The following CDC27 variants were observed in gnomAD, a reference collection of about 807,000 sequenced individuals.
The protein encoded by CDC27 is cell division cycle protein 27 homolog.
In CDC27, 27 loss-of-function variants were observed where a neutral mutation model predicts 109.7. The ratio of observed to expected loss-of-function variants is 0.25; its 90% CI spans 0.18 to 0.34. CDC27 has a LOEUF of 0.34. Among genes scored for constraint, CDC27 ranks in the 10% least tolerant of loss-of-function variants. The probability of loss-of-function intolerance (pLI) is 1.00; values close to 1 mark genes in which losing one functional copy is unlikely to be tolerated. For missense variants in CDC27, 579 were observed against 960.2 expected (o/e 0.60, Z 5.25); for synonymous variants, 266 against 333.9 (o/e 0.80, Z 2.22).
intron 2 of CDC27, among the ~76,000 whole-genome samples, chr17:47,179,656 T>A (rs2064149667): frequency 6.6e-6 from 1 of 152,224 alleles, no homozygotes; most frequent in South Asian, 2.1e-4. Context: ...CAGGATAGTA[T>A]CTGCTCTTAC....
chr17:47,188,658 G>T (rs2064543480), intron 1 of CDC27: 3 of 670,550 alleles, frequency 4.5e-6, no homozygotes, highest in Admixed American at 6.3e-5. Flanking sequence ...TACCAAAATA[G>T]AAATTAGTAT....
chr17:47,181,410 A>T, intron 2 of CDC27, 152 bp downstream of exon 2: 1 of 476,576 alleles, frequency 2.1e-6, no homozygotes. Flanking sequence ...TAAGGGAACT[A>T]CACAGAAAAA....
intron 1 of CDC27, among the ~76,000 whole-genome samples, chr17:47,182,967 G>C (rs1488041259): frequency 1.3e-5 from 2 of 151,900 alleles, no homozygotes; most frequent in East Asian, 3.9e-4. Flanking sequence ...TCAAGGCTAT[G>C]ATCATACCTG....
intron 4 of CDC27, among the ~76,000 whole-genome samples, 175 bp from the exon 5 acceptor site, chr17:47,158,478 C>T (rs896590396): frequency 1.3e-5 from 2 of 152,202 alleles, no homozygotes; most frequent in Non-Finnish European, 2.9e-5. Flanking sequence ...TGAAAGCGCA[C>T]AGAACATGAA....
intron 4 of CDC27, among the ~76,000 whole-genome samples, chr17:47,168,682 T>C (rs1468358703): frequency 1.3e-5 from 2 of 152,122 alleles, no homozygotes; most frequent in Admixed American, 1.3e-4. Flanking sequence ...ATGAATATAT[T>C]GATATTATGT....
chr17:47,183,758 A>G (rs1262394282), intron 1 of CDC27, among the ~76,000 whole-genome samples: 1 of 152,154 alleles, frequency 6.6e-6, no homozygotes, highest in Non-Finnish European at 1.5e-5. Context: ...GCTCATTATT[A>G]TACTCCCAGT....
rs1384946552 is a variant in CDC27 at position 47,122,454 on chromosome 17, T to G, written c.2382A>C (p.Glu794Asp). The G allele has an allele frequency of 1.9e-6, 3 of 1,602,636 alleles. No individual in the cohort carries two copies. The highest frequency in any genetic ancestry group is 2.6e-6 in the Non-Finnish European group (3 of 1,174,128). Residue 794 changes from glutamate to aspartate, a missense_variant, in exon 18 of 19, where the codon GAA (glutamate) becomes GAC (aspartate). Coordinates refer to ENST00000066544, the MANE Select transcript of CDC27 (RefSeq NM_001256.6). The part of the protein sequence containing the change: ...LPDDEEPITQ[E>D]EQIMGTDESQ... Reference sequence around the variant, plus strand: ...ATGTATGATACTTACTGATCTGTTCTTCTTGGGTTATTGGCTCCTCATCAT... The same window carrying G: ...ATGTATGATACTTACTGATCTGTTCGTCTTGGGTTATTGGCTCCTCATCAT...
chr17:47,180,010 T>C (rs1238100403), intron 2 of CDC27, among the ~76,000 whole-genome samples: 3 of 152,064 alleles, frequency 2.0e-5, no homozygotes, highest in Admixed American at 6.6e-5. Context: ...CATCTGTAAC[T>C]CCAGCTCTTT....
chr17:47,121,072 G>C lies in CDC27; in HGVS notation c.2393-55C>G, dbSNP rs879151442. 13 of 1,163,944 alleles carry C rather than the reference G, an allele frequency of 1.1e-5. No homozygotes were observed. The Admixed American group carries it at 1.7e-4, about 15-fold the overall frequency. The allele number at this position is 1,163,944 out of a possible 1,614,324, so 72.1% of individuals were successfully genotyped here. On this transcript the variant is annotated intron_variant, in intron 18 of 18. Transcript: ENST00000066544. ...AGTTTTCTGACAAATATGTCCTGTT[G>C]GTTCATGAAAACAAGTAAGAAAAAT...
At chr17:47,140,763 G>T (rs1162147222) in intron 12 of CDC27, among the ~76,000 whole-genome samples, 2 of 152,186 alleles carry the variant, frequency 1.3e-5, no homozygotes, top group East Asian at 3.8e-4. Context: ...ATCGAAACAT[G>T]GGTTTTGTAG....
intron 18 of CDC27, among the ~76,000 whole-genome samples, chr17:47,121,554 T>G (rs1265127698): frequency 6.6e-6 from 1 of 152,092 alleles, no homozygotes; most frequent in Admixed American, 6.6e-5. Context: ...ATGATTCTCC[T>G]GCCTCAGCCT....
At chr17:47,187,251 T>C (rs989346438) in intron 1 of CDC27, among the ~76,000 whole-genome samples, 1 of 152,222 alleles carries the variant, frequency 6.6e-6, no homozygotes, top group Non-Finnish European at 1.5e-5. Context: ...TGATGGGTAC[T>C]ATCTAGAAAC....
intron 8 of CDC27, among the ~76,000 whole-genome samples, chr17:47,154,088 CAAAAAA>C (rs536543231): frequency 1.4e-5 from 1 of 70,674 alleles, no homozygotes; most frequent in Admixed American, 1.5e-4. Context: ...GACCCTGTCT[CAAAAAA>C]AAAAAAAAAA....
chr17:47,127,692 T>G (rs2062187885), intron 16 of CDC27, among the ~76,000 whole-genome samples: 1 of 151,902 alleles, frequency 6.6e-6, no homozygotes, highest in Non-Finnish European at 1.5e-5. Context: ...TGAGCCACTG[T>G]GCCTGGCCCT....
chr17:47,166,079 C>G (rs1468620556), intron 4 of CDC27, among the ~76,000 whole-genome samples: 1 of 152,082 alleles, frequency 6.6e-6, no homozygotes, highest in Non-Finnish European at 1.5e-5. Context: ...ACTGATACAT[C>G]TGATTTCCTA....
chr17:47,134,475 T>G (rs139794316), intron 14 of CDC27, among the ~76,000 whole-genome samples: 1 of 141,346 alleles, frequency 7.1e-6, no homozygotes, highest in African/African-American at 2.6e-5. Flanking sequence ...TGCCTAATTG[T>G]TTTTTTTTTG....
At chr17:47,150,700 T>C (rs1421232168) in intron 9 of CDC27, among the ~76,000 whole-genome samples, 1 of 152,110 alleles carries the variant, frequency 6.6e-6, no homozygotes, top group Non-Finnish European at 1.5e-5. Flanking sequence ...ATTAAGGAGA[T>C]AAAATGGAAT....
Position 47,158,366 on chromosome 17 carries a change from T to C in CDC27, c.378-63A>G, listed in dbSNP as rs182018838. The C allele has an allele frequency of 1.1e-4, 83 of 773,096 alleles. 1 individual carries two copies. The African/African-American group carries it at 1.1e-3, about 11-fold the overall frequency. 47.9% of individuals were successfully genotyped at this position (773,096 alleles called of 1,614,324 possible). ...CCCCAAAACCTGTATCATAAACTTT[T>C]AGTATAAAAAATTAGGTAAAAGTTA... On this transcript the variant is annotated intron_variant, in intron 4 of 18. Coordinates refer to ENST00000066544, the MANE Select transcript of CDC27 (RefSeq NM_001256.6).
At chr17:47,176,393 T>C (rs867745817) in intron 2 of CDC27, among the ~76,000 whole-genome samples, 3 of 152,234 alleles carry the variant, frequency 2.0e-5, no homozygotes, top group Admixed American at 1.3e-4. Flanking sequence ...TCTACATTTA[T>C]TTACATCCTG....
Sources: gnomAD v4.1 joint callset for allele counts (sites outside exome capture counted in the v4.1 genomes callset) on GRCh38, gnomAD v4.1.1 for gene constraint, MANE v1.5 for transcripts, NCBI Gene and HGNC (gene_info 2026-07-23, HGNC 2026-07-21) for gene names.